STPG2: variants seen among roughly 807,000 people sequenced by gnomAD.
STPG2 encodes the protein sperm tail PG-rich repeat containing 2.
A neutral mutation model predicts 54.2 loss-of-function variants in STPG2; 56 were observed. That is an observed-to-expected ratio of 1.03 (90% CI 0.83 to 1.29). The LOEUF (loss-of-function observed/expected upper bound fraction) is 1.29, where lower values mean the gene tolerates loss of function less well. Among genes scored for constraint, STPG2 ranks in the 50% most tolerant of loss-of-function variants. The probability of loss-of-function intolerance (pLI) is 0.00; values close to 1 mark genes in which losing one functional copy is unlikely to be tolerated. For synonymous variants in STPG2, 200 were observed against 181.8 expected (o/e 1.10, Z -0.81); for missense variants, 596 against 544.9 (o/e 1.09, Z -0.93).
chr4:97,698,846 C>T (rs1429490744), intron 10 of STPG2, among the ~76,000 whole-genome samples: 1 of 152,132 alleles, frequency 6.6e-6, no homozygotes, highest in Non-Finnish European at 1.5e-5. Context: ...CATGGTAAGA[C>T]TAGTGAATTC....
intron 10 of STPG2, among the ~76,000 whole-genome samples, chr4:97,641,453 G>T (rs1721761233): frequency 6.6e-6 from 1 of 151,226 alleles, no homozygotes; most frequent in Admixed American, 6.6e-5. Flanking sequence ...TACCCACACA[G>T]ACATATATGA....
At chr4:97,830,397 T>G (rs1226893745) in intron 9 of STPG2, among the ~76,000 whole-genome samples, 1 of 151,928 alleles carries the variant, frequency 6.6e-6, no homozygotes, top group Non-Finnish European at 1.5e-5. Flanking sequence ...AAAGGAACAA[T>G]CAGTACCAAC....
intron 8 of STPG2, 83 bp downstream of exon 8, chr4:97,943,814 G>C: frequency 9.8e-7 from 1 of 1,019,190 alleles, no homozygotes; most frequent in Non-Finnish European, 1.4e-6. Flanking sequence ...ACCTCACTCA[G>C]GTCCTAATAT....
chr4:97,999,148 G>A (rs1735334692), intron 5 of STPG2, among the ~76,000 whole-genome samples: 1 of 152,138 alleles, frequency 6.6e-6, no homozygotes, highest in Admixed American at 6.5e-5. Flanking sequence ...GACTGGCTAT[G>A]CAGAAACAAA....
intron 9 of STPG2, among the ~76,000 whole-genome samples, chr4:97,818,731 T>A (rs1204146909): frequency 4.6e-5 from 7 of 151,866 alleles, no homozygotes; most frequent in Admixed American, 4.6e-4. Flanking sequence ...CCACCCTGCA[T>A]ATTCAATCTC....
chr4:97,527,400 T>C (rs7693578), intron 4 of STPG2, among the ~76,000 whole-genome samples: 2,176 of 152,298 alleles, frequency 0.014, 52 homozygotes, highest in African/African-American at 0.05. Context: ...CAGTCTATCA[T>C]TGATGGGCAT....
chr4:97,900,089 C>G (rs1471863510), intron 8 of STPG2, among the ~76,000 whole-genome samples: 3 of 151,970 alleles, frequency 2.0e-5, no homozygotes, highest in Non-Finnish European at 4.4e-5. Context: ...GAAAAACAAC[C>G]CCATTAAAAA....
chr4:97,893,673 G>A (rs1230206844), intron 8 of STPG2, among the ~76,000 whole-genome samples: 1 of 152,064 alleles, frequency 6.6e-6, no homozygotes, highest in African/African-American at 2.4e-5. Context: ...TTTTACTAAA[G>A]AGAAAATCAG....
intron 10 of STPG2, among the ~76,000 whole-genome samples, chr4:97,691,911 C>T (rs937692740): frequency 6.6e-6 from 1 of 152,080 alleles, no homozygotes; most frequent in African/African-American, 2.4e-5. Flanking sequence ...AGCCTGGTAG[C>T]TTGACTGTGT....
intron 6 of STPG2, among the ~76,000 whole-genome samples, chr4:97,973,446 G>A (rs181209267): frequency 9.9e-5 from 15 of 152,262 alleles, no homozygotes; most frequent in South Asian, 2.1e-4. Context: ...ATAAAAGTTC[G>A]TAAAATTTGA....
At chr4:97,791,300 T>G (rs560977714) in intron 9 of STPG2, among the ~76,000 whole-genome samples, 1 of 152,220 alleles carries the variant, frequency 6.6e-6, no homozygotes, top group South Asian at 2.1e-4. Context: ...TTAATTTAAT[T>G]TCTACAAAAC....
intron 8 of STPG2, among the ~76,000 whole-genome samples, chr4:97,865,130 G>C (rs545949582): frequency 5.9e-5 from 9 of 152,210 alleles, no homozygotes; most frequent in Admixed American, 3.9e-4. Flanking sequence ...CACAGCAAAA[G>C]AAACTATCAT....
At chr4:97,495,624 C>A (rs1296885034) in intron 4 of STPG2, among the ~76,000 whole-genome samples, 1 of 145,014 alleles carries the variant, frequency 6.9e-6, no homozygotes, top group Non-Finnish European at 1.5e-5. Context: ...TTACAGTGTT[C>A]AAAGGAAACT....
intron 8 of STPG2, among the ~76,000 whole-genome samples, chr4:97,934,223 A>T (rs1300411317): frequency 6.6e-6 from 1 of 152,144 alleles, no homozygotes; most frequent in Non-Finnish European, 1.5e-5. Context: ...GTATCCTGAG[A>T]CTTTGCTGAA....
intron 10 of STPG2, among the ~76,000 whole-genome samples, chr4:97,673,439 T>G (rs1722753610): frequency 6.6e-6 from 1 of 152,176 alleles, no homozygotes; most frequent in African/African-American, 2.4e-5. Flanking sequence ...TCATCATAAT[T>G]AGATAAAAAA....
At chr4:98,018,289 T>C (rs1163971316) in intron 5 of STPG2, among the ~76,000 whole-genome samples, 1 of 152,106 alleles carries the variant, frequency 6.6e-6, no homozygotes, top group African/African-American at 2.4e-5. Flanking sequence ...GTCCTTGTGA[T>C]AGTTTGCTGA....
intron 9 of STPG2, among the ~76,000 whole-genome samples, chr4:97,721,267 G>T (rs11097575): frequency 0.59 from 89,605 of 151,818 alleles, 26,736 homozygotes; most frequent in South Asian, 0.68. Context: ...CACTTTACAC[G>T]GAGTGACCTC....
intron 9 of STPG2, among the ~76,000 whole-genome samples, chr4:97,743,593 T>G (rs1210657682): frequency 6.6e-6 from 1 of 151,714 alleles, no homozygotes; most frequent in Non-Finnish European, 1.5e-5. Flanking sequence ...ATATCTCATA[T>G]CATTTGTTCA....
chr4:97,791,931 T>C (rs1050104558), intron 9 of STPG2, among the ~76,000 whole-genome samples: 1 of 151,984 alleles, frequency 6.6e-6, no homozygotes, highest in African/African-American at 2.4e-5. Context: ...ATTACATTGG[T>C]AGAAGAATGC....
Sources: allele counts gnomAD v4.1 joint callset (sites outside exome capture counted in the v4.1 genomes callset), GRCh38; gene constraint gnomAD v4.1.1; transcripts MANE v1.5; gene names NCBI Gene and HGNC (gene_info 2026-07-23, HGNC 2026-07-21).